The following NSMCE2 variants were observed in gnomAD, a reference collection of about 807,000 sequenced individuals.
NSMCE2 encodes the protein NSE2 SUMO ligase component of SMC5/6 complex.
In NSMCE2, 24 loss-of-function variants were observed where a neutral mutation model predicts 23.8. The ratio of observed to expected loss-of-function variants is 1.01; its 90% CI spans 0.73 to 1.42. The LOEUF (loss-of-function observed/expected upper bound fraction) is 1.42. NSMCE2 is among the 40% of genes most tolerant of loss of function. The pLI, the probability that NSMCE2 is intolerant of heterozygous loss-of-function variation, is 0.00. For synonymous variants in NSMCE2, 92 were observed against 94.1 expected (o/e 0.98, Z 0.13); for missense variants, 284 against 296.5 (o/e 0.96, Z 0.31).
intron 5 of NSMCE2, among the ~76,000 whole-genome samples, chr8:125,302,171 G>C (rs1828591520): frequency 6.6e-6 from 1 of 151,830 alleles, no homozygotes; most frequent in Admixed American, 6.6e-5. Context: ...TGGCCAGGCT[G>C]GTCTTGAACT....
intron 3 of NSMCE2, among the ~76,000 whole-genome samples, chr8:125,149,726 GTTGT>G: frequency 6.6e-6 from 1 of 152,088 alleles, no homozygotes; most frequent in East Asian, 1.9e-4. Context: ...AGTAAACATA[GTTGT>G]TTCTTATTCT....
At chr8:125,092,228 G>A (rs1817696314) in intron 1 of NSMCE2, among the ~76,000 whole-genome samples, 1 of 152,176 alleles carries the variant, frequency 6.6e-6, no homozygotes, top group Non-Finnish European at 1.5e-5. Context: ...AAGGCCACGG[G>A]AAGGTCGTTT....
At chr8:125,232,669 A>G (rs1328757165) in intron 5 of NSMCE2, among the ~76,000 whole-genome samples, 1 of 152,198 alleles carries the variant, frequency 6.6e-6, no homozygotes, top group East Asian at 1.9e-4. Context: ...CCCACCTTCA[A>G]CATTGGGCAA....
intron 5 of NSMCE2, among the ~76,000 whole-genome samples, chr8:125,327,265 CAAAAAAAAA>C (rs59574355): frequency 5.9e-5 from 7 of 118,684 alleles, no homozygotes; most frequent in African/African-American, 3.6e-5. Context: ...GACTCCATCT[CAAAAAAAAA>C]AAAAAAAAAA....
chr8:125,145,915 A>G (rs1563678399), intron 3 of NSMCE2, among the ~76,000 whole-genome samples: 1 of 152,276 alleles, frequency 6.6e-6, no homozygotes, highest in East Asian at 1.9e-4. Context: ...GCATTCTCTG[A>G]GTGACTTGGT....
intron 5 of NSMCE2, among the ~76,000 whole-genome samples, chr8:125,335,619 G>T (rs1830044564): frequency 6.6e-6 from 1 of 152,220 alleles, no homozygotes; most frequent in South Asian, 2.1e-4. Flanking sequence ...TGCAGTGAGG[G>T]TGGGAAAACC....
intron 3 of NSMCE2, among the ~76,000 whole-genome samples, chr8:125,107,776 A>G (rs1394803628): frequency 3.9e-5 from 6 of 152,184 alleles, no homozygotes; most frequent in Admixed American, 2.0e-4. Flanking sequence ...GCTGACACCC[A>G]TAATCCCAGC....
At chr8:125,183,869 T>C (rs931026076) in intron 5 of NSMCE2, among the ~76,000 whole-genome samples, 4 of 152,192 alleles carry the variant, frequency 2.6e-5, no homozygotes, top group Admixed American at 2.6e-4. Flanking sequence ...GTTATAGGCA[T>C]TTTTTCAAAG....
intron 5 of NSMCE2, among the ~76,000 whole-genome samples, chr8:125,268,048 G>A (rs1291539111): frequency 2.0e-5 from 3 of 150,510 alleles, no homozygotes; most frequent in Admixed American, 6.7e-5. Flanking sequence ...GGGCAGCACA[G>A]TGAAACCCTC....
At chr8:125,093,386 C>T (rs1817770242) in intron 1 of NSMCE2, among the ~76,000 whole-genome samples, 1 of 152,090 alleles carries the variant, frequency 6.6e-6, no homozygotes. Context: ...AAGATGTGGG[C>T]AGATAGAAAA....
At chr8:125,360,418 G>A (rs963768930) in intron 7 of NSMCE2, among the ~76,000 whole-genome samples, 21 of 152,164 alleles carry the variant, frequency 1.4e-4, no homozygotes, top group African/African-American at 5.1e-4. Flanking sequence ...CCCGCACCTC[G>A]CCTGTGATCT....
intron 5 of NSMCE2, among the ~76,000 whole-genome samples, chr8:125,262,304 A>C (rs1363138070): frequency 1.3e-5 from 2 of 152,002 alleles, no homozygotes; most frequent in East Asian, 3.9e-4. Flanking sequence ...AGGTGCCTAT[A>C]GTCCCAGCTA....
chr8:125,274,603 C>T (rs1827365563), intron 5 of NSMCE2, among the ~76,000 whole-genome samples: 1 of 152,106 alleles, frequency 6.6e-6, no homozygotes, highest in East Asian at 1.9e-4. Context: ...GATGCATCTT[C>T]AGTTTCACTG....
intron 5 of NSMCE2, among the ~76,000 whole-genome samples, chr8:125,265,758 A>T (rs1371413243): frequency 2.0e-5 from 3 of 152,102 alleles, no homozygotes; most frequent in Admixed American, 2.0e-4. Context: ...TCATCATACC[A>T]CATAGCCACT....
At chr8:125,296,333 C>T (rs1237029204) in intron 5 of NSMCE2, among the ~76,000 whole-genome samples, 1 of 151,672 alleles carries the variant, frequency 6.6e-6, no homozygotes, top group East Asian at 1.9e-4. Context: ...AGAGAGCATA[C>T]CCAAACAGGG....
intron 5 of NSMCE2, among the ~76,000 whole-genome samples, chr8:125,223,889 TATGCAGCCTTGATGCAGAAATC>T (rs1824982617): frequency 3.5e-5 from 5 of 144,688 alleles, no homozygotes; most frequent in African/African-American, 1.3e-4. Flanking sequence ...ATAGCTCCAC[TATGCAGCCTTGATGCAGAAATC>T]ATGCAGCCTT....
intron 5 of NSMCE2, among the ~76,000 whole-genome samples, chr8:125,235,014 G>A (rs775765356): frequency 3.3e-5 from 5 of 152,194 alleles, no homozygotes; most frequent in Non-Finnish European, 7.3e-5. Context: ...GGGAGGCTGA[G>A]GCGGGCAGAT....
At chr8:125,358,885 AAT>A in intron 7 of NSMCE2, among the ~76,000 whole-genome samples, 1 of 152,202 alleles carries the variant, frequency 6.6e-6, no homozygotes. Flanking sequence ...ATTCTAGAAG[AAT>A]AGTGGCTTTG....
chr8:125,282,465 G>A (rs764753233), intron 5 of NSMCE2, among the ~76,000 whole-genome samples: 2 of 152,182 alleles, frequency 1.3e-5, no homozygotes, highest in Admixed American at 6.5e-5. Context: ...GAAATGCAAC[G>A]TTTAGCTAAA....
Sources: gnomAD v4.1 joint callset for allele counts (sites outside exome capture counted in the v4.1 genomes callset) on GRCh38, gnomAD v4.1.1 for gene constraint, MANE v1.5 for transcripts, NCBI Gene and HGNC (gene_info 2026-07-23, HGNC 2026-07-21) for gene names.